NSG2: variants seen among roughly 807,000 people sequenced by gnomAD.
NSG2 encodes the protein neuronal vesicle trafficking-associated protein 2.
Under a neutral mutation model 16.9 loss-of-function variants are expected in NSG2, and 4 were observed. The ratio of observed to expected loss-of-function variants is 0.24; its 90% CI spans 0.12 to 0.54. The LOEUF is 0.54. Among genes scored for constraint, NSG2 ranks in the 20% least tolerant of loss-of-function variants. NSG2 has a pLI of 0.95. For missense variants in NSG2, 179 were observed against 221.1 expected (o/e 0.81, Z 1.21); for synonymous variants, 98 against 88.7 (o/e 1.11, Z -0.59).
intron 3 of NSG2, among the ~76,000 whole-genome samples, chr5:174,068,069 G>A (rs1211089423): frequency 1.3e-5 from 2 of 152,174 alleles, no homozygotes; most frequent in African/African-American, 4.8e-5. Flanking sequence ...AGAGCTTGGT[G>A]CTGTTACACA....
chr5:174,070,715 G>C lies in NSG2; in HGVS notation c.213+6400G>C, dbSNP rs539516429. On this transcript the variant is annotated intron_variant, in intron 3 of 4. Transcript: ENST00000303177. The stretch of plus-strand genomic sequence containing the variant: ...GTCAGCAACTCTGGGACCCCTTCCT[G>C]ATCCTCTAGCTGGATTTGGGGCCTC... Among the ~76,000 whole-genome samples, 4 of 152,320 alleles carry C rather than the reference G, an allele frequency of 2.6e-5. No individual in the cohort carries two copies. In the South Asian group the frequency reaches 8.3e-4, roughly 32 times the overall value.
chr5:174,081,265 C>G (rs146334868), intron 3 of NSG2, among the ~76,000 whole-genome samples: 1 of 152,158 alleles, frequency 6.6e-6, no homozygotes, highest in Non-Finnish European at 1.5e-5. Context: ...TTTTTAGACT[C>G]CTGATGTCAT....
chr5:174,079,263 C>CT (rs113704369), intron 3 of NSG2, among the ~76,000 whole-genome samples: 5,708 of 143,424 alleles, frequency 0.04, 152 homozygotes, highest in African/African-American at 0.079. Flanking sequence ...CTCTCTCTCT[C>CT]TTTTTTTTTT....
intron 3 of NSG2, among the ~76,000 whole-genome samples, chr5:174,075,357 G>A (rs1022860693): frequency 5.3e-5 from 8 of 152,154 alleles, no homozygotes; most frequent in Non-Finnish European, 1.0e-4. Context: ...ATGCATACAC[G>A]TATATTCTTT....
At chr5:174,083,528 G>A (rs185846954) in intron 3 of NSG2, among the ~76,000 whole-genome samples, 3 of 152,224 alleles carry the variant, frequency 2.0e-5, no homozygotes, top group South Asian at 2.1e-4. Flanking sequence ...TCATTCTTAC[G>A]TGCATTTCAA....
At chr5:174,077,415 A>G (rs1334747002) in intron 3 of NSG2, among the ~76,000 whole-genome samples, 2 of 152,068 alleles carry the variant, frequency 1.3e-5, no homozygotes, top group African/African-American at 2.4e-5. Context: ...TTCACCTGCT[A>G]TATACTTGGT....
intron 3 of NSG2, among the ~76,000 whole-genome samples, chr5:174,067,541 A>G (rs1760163867): frequency 6.6e-6 from 1 of 152,264 alleles, no homozygotes. Context: ...CAGCCCTGTC[A>G]GGCATGGGCA....
intron 3 of NSG2, among the ~76,000 whole-genome samples, chr5:174,087,015 C>T (rs113154238): frequency 1.6e-4 from 24 of 152,324 alleles, no homozygotes; most frequent in Non-Finnish European, 3.2e-4. Flanking sequence ...CTACACCCCT[C>T]CTTCTTCCCA....
chr5:174,067,195 A>G (rs1190039125), intron 3 of NSG2, among the ~76,000 whole-genome samples: 2 of 152,178 alleles, frequency 1.3e-5, no homozygotes, highest in African/African-American at 4.8e-5. Context: ...ATATAGGGCT[A>G]TATATTTTTT....
chr5:174,048,404 G>A (rs1759834373), intron 2 of NSG2, among the ~76,000 whole-genome samples: 1 of 152,156 alleles, frequency 6.6e-6, no homozygotes, highest in African/African-American at 2.4e-5. Context: ...ATTGTTTTAG[G>A]TGTGCATTAA....
chr5:174,089,914 C>T (rs1760695585), intron 3 of NSG2, among the ~76,000 whole-genome samples: 1 of 152,220 alleles, frequency 6.6e-6, no homozygotes, highest in Non-Finnish European at 1.5e-5. Flanking sequence ...AGCCACCACA[C>T]CCAGCCAGGA....
chr5:174,054,188 C>T (rs1340601308), intron 2 of NSG2, among the ~76,000 whole-genome samples: 1 of 152,178 alleles, frequency 6.6e-6, no homozygotes, highest in African/African-American at 2.4e-5. Context: ...GTGGAGTGAT[C>T]CCATTTGGGG....
At chr5:174,096,015 G>T (rs1024669217) in intron 3 of NSG2, among the ~76,000 whole-genome samples, 5 of 152,256 alleles carry the variant, frequency 3.3e-5, no homozygotes, top group Admixed American at 3.3e-4. Flanking sequence ...TTAATGAGCT[G>T]TGTGACCTTG....
chr5:174,104,831 G>A (rs938531085), intron 4 of NSG2, among the ~76,000 whole-genome samples: 2 of 152,180 alleles, frequency 1.3e-5, no homozygotes, highest in African/African-American at 2.4e-5. Context: ...TGACCTCTGG[G>A]AGTTTTCTTG....
intron 3 of NSG2, among the ~76,000 whole-genome samples, chr5:174,101,754 T>C (rs574743049): frequency 1.3e-5 from 2 of 152,336 alleles, no homozygotes; most frequent in South Asian, 4.1e-4. Flanking sequence ...GCATTTAAAA[T>C]TTTTTTATAT....
chr5:174,079,247 TTCTCTC>T (rs60883319), intron 3 of NSG2, among the ~76,000 whole-genome samples: 2 of 148,630 alleles, frequency 1.3e-5, no homozygotes, highest in Admixed American at 6.7e-5. Flanking sequence ...TTCTCTCTCT[TTCTCTC>T]TCTCTCTCTC....
At chr5:174,055,578 C>T (rs12520339) in intron 2 of NSG2, among the ~76,000 whole-genome samples, 20,330 of 151,714 alleles carry the variant, frequency 0.13, 1,826 homozygotes, top group African/African-American at 0.25. Flanking sequence ...CCAGCCTGGG[C>T]GACAGAGCGA....
chr5:174,094,224 A>G (rs1202882487), intron 3 of NSG2, among the ~76,000 whole-genome samples: 1 of 152,224 alleles, frequency 6.6e-6, no homozygotes, highest in East Asian at 1.9e-4. Flanking sequence ...TTCTACAGCT[A>G]TAAAATGGGG....
At chr5:174,096,680 G>C (rs2088115223) in intron 3 of NSG2, among the ~76,000 whole-genome samples, 1 of 152,132 alleles carries the variant, frequency 6.6e-6, no homozygotes, top group South Asian at 2.1e-4. Flanking sequence ...ACCCAGGGGA[G>C]AGGTGATGGT....
Sources: allele counts gnomAD v4.1 joint callset (sites outside exome capture counted in the v4.1 genomes callset), GRCh38; gene constraint gnomAD v4.1.1; transcripts MANE v1.5; gene names NCBI Gene and HGNC (gene_info 2026-07-23, HGNC 2026-07-21).